The following MACROD2 variants were observed in gnomAD, a reference collection of about 807,000 sequenced individuals.
The protein encoded by MACROD2 is ADP-ribose glycohydrolase MACROD2.
MACROD2 carries 36 observed loss-of-function variants against 70.4 expected under a neutral mutation model. The ratio of observed to expected loss-of-function variants is 0.51; its 90% CI spans 0.39 to 0.68. The LOEUF (loss-of-function observed/expected upper bound fraction) is 0.68, where lower values mean the gene tolerates loss of function less well. Among genes scored for constraint, MACROD2 ranks in the 30% least tolerant of loss-of-function variants. The pLI is 0.00. For synonymous variants in MACROD2, 172 were observed against 178.8 expected (o/e 0.96, Z 0.30); for missense variants, 496 against 538.4 (o/e 0.92, Z 0.78).
chr20:15,204,953 C>T (rs545113262), intron 5 of MACROD2, among the ~76,000 whole-genome samples: 1 of 152,132 alleles, frequency 6.6e-6, no homozygotes, highest in South Asian at 2.1e-4. Flanking sequence ...AATAGAACAG[C>T]CCTAGTGTAG....
At chr20:14,193,011 C>A (rs1455288077) in intron 3 of MACROD2, among the ~76,000 whole-genome samples, 1 of 152,196 alleles carries the variant, frequency 6.6e-6, no homozygotes, top group Non-Finnish European at 1.5e-5. Flanking sequence ...CTCTGCTTTG[C>A]CTTTGCCTAG....
At chr20:14,975,729 A>G (rs961697000) in intron 5 of MACROD2, among the ~76,000 whole-genome samples, 1 of 151,948 alleles carries the variant, frequency 6.6e-6, no homozygotes, top group African/African-American at 2.4e-5. Context: ...TTAGCAGGTG[A>G]GGTAATTGAG....
intron 3 of MACROD2, among the ~76,000 whole-genome samples, chr20:14,394,372 T>C (rs188717467): frequency 2.6e-5 from 4 of 152,314 alleles, no homozygotes; most frequent in Non-Finnish European, 5.9e-5. Flanking sequence ...TTTGATGCTA[T>C]GGTAAATGGA....
chr20:14,583,969 G>T (rs2062346950), intron 4 of MACROD2, among the ~76,000 whole-genome samples: 1 of 152,044 alleles, frequency 6.6e-6, no homozygotes, highest in South Asian at 2.1e-4. Flanking sequence ...GTGTTACCCG[G>T]CATGAGGGTG....
At chr20:15,606,253 G>A (rs1262927175) in intron 8 of MACROD2, among the ~76,000 whole-genome samples, 1 of 152,082 alleles carries the variant, frequency 6.6e-6, no homozygotes, top group Non-Finnish European at 1.5e-5. Context: ...GAATTTGGAT[G>A]GCCCCACTCT....
intron 3 of MACROD2, among the ~76,000 whole-genome samples, chr20:14,163,415 A>C (rs2055219936): frequency 6.6e-6 from 1 of 152,060 alleles, no homozygotes; most frequent in South Asian, 2.1e-4. Flanking sequence ...GTTTGACTAT[A>C]ATGTGCTGTG....
chr20:14,386,792 G>T (rs1475972966), intron 3 of MACROD2, among the ~76,000 whole-genome samples: 1 of 152,138 alleles, frequency 6.6e-6, no homozygotes, highest in Admixed American at 6.5e-5. Context: ...CCAGTATCGG[G>T]TGTTTCTTTG....
intron 9 of MACROD2, among the ~76,000 whole-genome samples, chr20:15,868,803 C>A (rs1017246682): frequency 1.3e-5 from 2 of 152,032 alleles, no homozygotes; most frequent in African/African-American, 4.8e-5. Context: ...GAGTCAGGGT[C>A]GTACTCTGTC....
intron 2 of MACROD2, among the ~76,000 whole-genome samples, chr20:14,027,724 T>G (rs977029558): frequency 6.6e-6 from 1 of 152,172 alleles, no homozygotes; most frequent in Non-Finnish European, 1.5e-5. Flanking sequence ...CCGGTTTGCC[T>G]GGGTATCACC....
At chr20:15,274,022 T>A (rs2077369124) in intron 6 of MACROD2, among the ~76,000 whole-genome samples, 1 of 152,234 alleles carries the variant, frequency 6.6e-6, no homozygotes, top group Non-Finnish European at 1.5e-5. Flanking sequence ...ATGGTCCTTA[T>A]CCTTCTATTC....
At chr20:14,158,242 A>G (rs147658243) in intron 3 of MACROD2, among the ~76,000 whole-genome samples, 2 of 152,106 alleles carry the variant, frequency 1.3e-5, no homozygotes, top group Non-Finnish European at 2.9e-5. Flanking sequence ...AGAAATGCCT[A>G]TTCAGATCCT....
chr20:15,318,051 G>A (rs2077833343), intron 6 of MACROD2, among the ~76,000 whole-genome samples: 1 of 151,988 alleles, frequency 6.6e-6, no homozygotes. Context: ...AAAAACAGAA[G>A]TTGCACTTAA....
chr20:14,172,006 T>G (rs2081225177), intron 3 of MACROD2, among the ~76,000 whole-genome samples: 1 of 152,214 alleles, frequency 6.6e-6, no homozygotes, highest in African/African-American at 2.4e-5. Context: ...GTTTTATAAA[T>G]TCGGGAGCTG....
chr20:14,955,729 G>A (rs560310739), intron 5 of MACROD2, among the ~76,000 whole-genome samples: 1 of 152,004 alleles, frequency 6.6e-6, no homozygotes, highest in Admixed American at 6.6e-5. Flanking sequence ...CAACTGCAAT[G>A]CATTATGATT....
chr20:16,041,722 C>T (rs942258725), intron 16 of MACROD2, among the ~76,000 whole-genome samples: 1 of 151,980 alleles, frequency 6.6e-6, no homozygotes, highest in East Asian at 1.9e-4. Flanking sequence ...TCCACTGTAT[C>T]ACATCCATTG....
intron 8 of MACROD2, among the ~76,000 whole-genome samples, chr20:15,774,856 G>A (rs188522777): frequency 3.9e-5 from 6 of 152,234 alleles, no homozygotes; most frequent in Admixed American, 3.3e-4. Context: ...CTATATAAAT[G>A]TGACAAATTT....
intron 3 of MACROD2, among the ~76,000 whole-genome samples, chr20:14,388,659 A>G (rs1568589791): frequency 6.6e-6 from 1 of 152,312 alleles, no homozygotes; most frequent in South Asian, 2.1e-4. Context: ...ATTGTCTGTC[A>G]GAACTAGCAG....
chr20:15,024,899 C>A (rs888629507), intron 5 of MACROD2, among the ~76,000 whole-genome samples: 1 of 152,152 alleles, frequency 6.6e-6, no homozygotes, highest in East Asian at 1.9e-4. Context: ...AAGGTACCAA[C>A]CTCCTCATAA....
At chr20:14,713,534 T>C (rs2071362214) in intron 5 of MACROD2, among the ~76,000 whole-genome samples, 1 of 152,176 alleles carries the variant, frequency 6.6e-6, no homozygotes, top group Non-Finnish European at 1.5e-5. Flanking sequence ...CAAGTCTGAT[T>C]AAATAGATTA....
Sources: allele counts gnomAD v4.1 joint callset (sites outside exome capture counted in the v4.1 genomes callset), GRCh38; gene constraint gnomAD v4.1.1; transcripts MANE v1.5; gene names NCBI Gene and HGNC (gene_info 2026-07-23, HGNC 2026-07-21).